The following THSD7B variants were observed in gnomAD, a reference collection of about 807,000 sequenced individuals.
The protein encoded by THSD7B is thrombospondin type 1 domain containing 7B.
A neutral mutation model predicts 213.6 loss-of-function variants in THSD7B; 138 were observed. That is an observed-to-expected ratio of 0.65 (90% CI 0.56 to 0.74). The LOEUF is 0.74. Ranked by LOEUF, THSD7B falls within the 30% of genes least tolerant of loss-of-function variation. The pLI is 0.00. For synonymous variants in THSD7B, 742 were observed against 687.0 expected, an observed-to-expected ratio of 1.08 and a Z score of -1.25; for missense variants, 1,931 against 1,991.5, an observed-to-expected ratio of 0.97 and a Z score of 0.58.
intron 15 of THSD7B, among the ~76,000 whole-genome samples, chr2:137,512,517 G>A (rs750874126): frequency 2.1e-4 from 30 of 145,356 alleles, no homozygotes; most frequent in African/African-American, 7.8e-5. Flanking sequence ...TCAGCCTCCC[G>A]AGCAACTGTG....
At chr2:137,198,268 C>T (rs2105021490) in intron 7 of THSD7B, among the ~76,000 whole-genome samples, 1 of 152,244 alleles carries the variant, frequency 6.6e-6, no homozygotes, top group South Asian at 2.1e-4. Flanking sequence ...TCACCACCTG[C>T]CCTTCTCCAA....
At chr2:136,879,398 G>A (rs1307820330) in intron 1 of THSD7B, among the ~76,000 whole-genome samples, 1 of 152,140 alleles carries the variant, frequency 6.6e-6, no homozygotes, top group East Asian at 1.9e-4. Flanking sequence ...TTGGCAATGT[G>A]TGCTCTTTTT....
chr2:136,799,071 A>AGAAC (rs1287794381), intron 1 of THSD7B, among the ~76,000 whole-genome samples: 1 of 152,036 alleles, frequency 6.6e-6, no homozygotes, highest in African/African-American at 2.4e-5. Flanking sequence ...TCCTGATGAA[A>AGAAC]GAACTTCTTT....
intron 2 of THSD7B, among the ~76,000 whole-genome samples, chr2:136,984,873 G>C (rs1685644586): frequency 6.6e-6 from 1 of 152,152 alleles, no homozygotes; most frequent in Admixed American, 6.5e-5. Flanking sequence ...TGGAAATGAG[G>C]AAGTTATTGG....
intron 1 of THSD7B, among the ~76,000 whole-genome samples, chr2:136,853,153 C>G (rs1683127608): frequency 6.6e-6 from 1 of 152,042 alleles, no homozygotes; most frequent in Non-Finnish European, 1.5e-5. Flanking sequence ...CTGTACAGCC[C>G]TCTGTTCAGG....
chr2:136,810,088 G>A (rs903295582), intron 1 of THSD7B, among the ~76,000 whole-genome samples: 1 of 152,154 alleles, frequency 6.6e-6, no homozygotes, highest in African/African-American at 2.4e-5. Context: ...GAAGTGGTAG[G>A]AGACTCCGGG....
At chr2:136,810,590 G>T (rs577295481) in intron 1 of THSD7B, among the ~76,000 whole-genome samples, 1 of 152,334 alleles carries the variant, frequency 6.6e-6, no homozygotes, top group East Asian at 1.9e-4. Flanking sequence ...CTGGTTGTTG[G>T]ATGGTGCCAA....
intron 1 of THSD7B, among the ~76,000 whole-genome samples, chr2:136,825,468 T>G (rs1454251619): frequency 1.3e-5 from 2 of 152,130 alleles, no homozygotes; most frequent in Non-Finnish European, 2.9e-5. Context: ...TTCCTCCACC[T>G]TCAAAGCCTG....
chr2:136,785,020 A>G (rs181001587), intron 1 of THSD7B, among the ~76,000 whole-genome samples: 41 of 152,236 alleles, frequency 2.7e-4, no homozygotes, highest in Middle Eastern at 3.4e-3. Flanking sequence ...TAATCATTCA[A>G]TTCTGGACAT....
chr2:136,887,271 T>C (rs1683734528), intron 2 of THSD7B, among the ~76,000 whole-genome samples: 2 of 150,152 alleles, frequency 1.3e-5, no homozygotes, highest in South Asian at 4.3e-4. Context: ...GAATAATACG[T>C]TCTGAAATAG....
At chr2:136,995,229 TGCAGTGGATGTTA>T (rs1237369941) in intron 2 of THSD7B, among the ~76,000 whole-genome samples, 1 of 152,132 alleles carries the variant, frequency 6.6e-6, no homozygotes, top group African/African-American at 2.4e-5. Flanking sequence ...AGTTGATGTA[TGCAGTGGATGTTA>T]AATATGATTT....
chr2:137,601,484 C>T (rs1168158756), intron 17 of THSD7B, among the ~76,000 whole-genome samples: 4 of 152,148 alleles, frequency 2.6e-5, no homozygotes, highest in African/African-American at 9.6e-5. Flanking sequence ...GGTTTGTAGC[C>T]TAGGAGTAAT....
intron 13 of THSD7B, among the ~76,000 whole-genome samples, chr2:137,406,888 A>G (rs1418073169): frequency 6.6e-6 from 1 of 152,240 alleles, no homozygotes; most frequent in Non-Finnish European, 1.5e-5. Context: ...CAAATTTCTC[A>G]TAGAAAAACA....
chr2:137,667,949 A>G (rs541985248), intron 27 of THSD7B, 88 bp downstream of exon 27: 150 of 1,056,806 alleles, frequency 1.4e-4, no homozygotes, highest in Non-Finnish European at 1.9e-4. Flanking sequence ...ATCATTGCCC[A>G]TTATAACAGG....
intron 6 of THSD7B, 76 bp downstream of exon 6, chr2:137,160,444 A>T: frequency 6.6e-7 from 1 of 1,525,380 alleles, no homozygotes; most frequent in Non-Finnish European, 8.9e-7. Context: ...GTCACTGATT[A>T]AGCCTGCTTA....
At chr2:137,553,119 G>T (rs977492799) in intron 15 of THSD7B, among the ~76,000 whole-genome samples, 2 of 152,076 alleles carry the variant, frequency 1.3e-5, no homozygotes, top group Non-Finnish European at 2.9e-5. Flanking sequence ...AATATGACTT[G>T]CCAGGATCTC....
At chr2:137,576,075 A>G (rs1378144204) in intron 17 of THSD7B, among the ~76,000 whole-genome samples, 1 of 152,098 alleles carries the variant, frequency 6.6e-6, no homozygotes, top group East Asian at 1.9e-4. Context: ...AATATCTTGG[A>G]ACATTTGAAG....
At chr2:136,981,066 GCCCCT>G (rs1685569264) in intron 2 of THSD7B, among the ~76,000 whole-genome samples, 1 of 151,976 alleles carries the variant, frequency 6.6e-6, no homozygotes, top group Non-Finnish European at 1.5e-5. Context: ...AGGCATCTTG[GCCCCT>G]CCTGTTTTAC....
At chr2:137,203,434 A>G (rs546028964) in intron 7 of THSD7B, among the ~76,000 whole-genome samples, 1 of 152,118 alleles carries the variant, frequency 6.6e-6, no homozygotes, top group Non-Finnish European at 1.5e-5. Context: ...TTAGATCTCA[A>G]TATTTTAATG....
Sources: allele counts gnomAD v4.1 joint callset (sites outside exome capture counted in the v4.1 genomes callset), GRCh38; gene constraint gnomAD v4.1.1; transcripts MANE v1.5; gene names NCBI Gene and HGNC (gene_info 2026-07-23, HGNC 2026-07-21).